The following BRINP2 variants were observed in gnomAD, a reference collection of about 807,000 sequenced individuals.
The protein encoded by BRINP2 is BMP/retinoic acid-inducible neural-specific protein 2.
Under a neutral mutation model 69.2 loss-of-function variants are expected in BRINP2, and 21 were observed. That is an observed-to-expected ratio of 0.30 (90% CI 0.22 to 0.44). The LOEUF is 0.44. BRINP2 is among the 20% of genes least tolerant of loss of function. BRINP2 has a pLI of 1.00. For synonymous variants in BRINP2, 380 were observed against 394.1 expected, an observed-to-expected ratio of 0.96 and a Z score of 0.42; for missense variants, 877 against 986.0, an observed-to-expected ratio of 0.89 and a Z score of 1.48.
intron 1 of BRINP2, among the ~76,000 whole-genome samples, chr1:177,191,536 C>A (rs1490303924): frequency 6.6e-6 from 1 of 152,206 alleles, no homozygotes; most frequent in Non-Finnish European, 1.5e-5. Flanking sequence ...CTCACTGCAA[C>A]CTCTGCTTCC....
At chr1:177,242,786 T>G (rs1247735504) in intron 2 of BRINP2, among the ~76,000 whole-genome samples, 1 of 152,176 alleles carries the variant, frequency 6.6e-6, no homozygotes, top group Non-Finnish European at 1.5e-5. Flanking sequence ...AAGGGCATAA[T>G]AAGAGGATGA....
chr1:177,243,443 C>A (rs1206426816), intron 2 of BRINP2, among the ~76,000 whole-genome samples: 1 of 152,128 alleles, frequency 6.6e-6, no homozygotes, highest in Non-Finnish European at 1.5e-5. Flanking sequence ...AAGACCAAAA[C>A]CATCTCCCCC....
chr1:177,171,771 C>T (rs1647939885), intron 1 of BRINP2, 39 bp downstream of exon 1: 1 of 152,234 alleles, frequency 6.6e-6, no homozygotes. Flanking sequence ...CTCCCCTTTT[C>T]ATTGTCCTTT....
intron 1 of BRINP2, among the ~76,000 whole-genome samples, chr1:177,227,269 G>T (rs979063023): frequency 1.3e-5 from 2 of 152,192 alleles, no homozygotes; most frequent in African/African-American, 4.8e-5. Context: ...TGCTGTGTTG[G>T]CTGCCTTGGC....
intron 1 of BRINP2, among the ~76,000 whole-genome samples, chr1:177,185,864 G>A (rs1194072228): frequency 1.3e-5 from 2 of 152,158 alleles, no homozygotes; most frequent in African/African-American, 4.8e-5. Context: ...CTGCCAGTGA[G>A]GAATGAGCTC....
chr1:177,265,387 A>G (rs1380029274), intron 4 of BRINP2, among the ~76,000 whole-genome samples: 1 of 152,218 alleles, frequency 6.6e-6, no homozygotes, highest in South Asian at 2.1e-4. Flanking sequence ...TATGTCTTCA[A>G]AATGCCCTTT....
At chr1:177,255,254 G>A (rs532242744) in intron 2 of BRINP2, among the ~76,000 whole-genome samples, 1 of 152,268 alleles carries the variant, frequency 6.6e-6, no homozygotes, top group South Asian at 2.1e-4. Flanking sequence ...CACTCTCCTT[G>A]CTAAATTTGT....
chr1:177,206,077 A>C lies in BRINP2; in HGVS notation c.-76-23724A>C, dbSNP rs555054061. The stretch of plus-strand genomic sequence containing the variant: ...GACGTGAGATGTTGTGAGAATACTT[A>C]AGCTGCCCTGTGGAGCGGGCCACAT... On this transcript the variant is annotated intron_variant, in intron 1 of 7. Coordinates refer to ENST00000361539, the MANE Select transcript of BRINP2 (RefSeq NM_021165.4). Among the ~76,000 whole-genome samples the C allele has an allele frequency of 5.3e-5, 8 of 152,312 alleles. No individual in the cohort carries two copies. The South Asian group carries it at 1.7e-3, about 32-fold the overall frequency.
intron 1 of BRINP2, among the ~76,000 whole-genome samples, chr1:177,219,986 G>A (rs1420172272): frequency 6.6e-6 from 1 of 152,202 alleles, no homozygotes; most frequent in Non-Finnish European, 1.5e-5. Context: ...CTGTCAACAA[G>A]GGATTGAAGT....
intron 2 of BRINP2, among the ~76,000 whole-genome samples, chr1:177,231,785 A>G (rs1295405785): frequency 1.3e-5 from 2 of 152,244 alleles, no homozygotes; most frequent in Non-Finnish European, 2.9e-5. Flanking sequence ...GCATCACCGA[A>G]GCAGAGAGCA....
chr1:177,262,201 A>G (rs1273793844), intron 4 of BRINP2, among the ~76,000 whole-genome samples: 2 of 152,188 alleles, frequency 1.3e-5, no homozygotes, highest in East Asian at 3.9e-4. Context: ...CTGTTCCAGC[A>G]TATTGATATA....
chr1:177,250,068 C>T lies in BRINP2; in HGVS notation c.270-5851C>T, dbSNP rs1289519845. ...CCAGGCTGGACTCGAACTCCTGTGG[C>T]TGAGGCCTTATGCCTCATAATTTTT... On this transcript the variant is annotated intron_variant, in intron 2 of 7. Transcript: ENST00000361539. Among the ~76,000 whole-genome samples the T allele has an allele frequency of 8.3e-4, 127 of 152,110 alleles. 1 individual carries two copies. The highest frequency in any genetic ancestry group is 1.2e-4 in the Non-Finnish European group (8 of 67,980).
chr1:177,247,967 G>C (rs1028535980), intron 2 of BRINP2, among the ~76,000 whole-genome samples: 9 of 152,166 alleles, frequency 5.9e-5, no homozygotes, highest in African/African-American at 2.2e-4. Flanking sequence ...GGTGGAGGGG[G>C]GCGGATAGAG....
At chr1:177,177,933 C>T (rs1245781878) in intron 1 of BRINP2, among the ~76,000 whole-genome samples, 2 of 152,316 alleles carry the variant, frequency 1.3e-5, no homozygotes, top group South Asian at 2.1e-4. Context: ...CAATTCACAT[C>T]CCAAGCTATT....
chr1:177,273,258 G>C (rs541259556), intron 4 of BRINP2, among the ~76,000 whole-genome samples: 1 of 152,086 alleles, frequency 6.6e-6, no homozygotes, highest in African/African-American at 2.4e-5. Context: ...TCTCTGAAAG[G>C]CTCTTACTTA....
chr1:177,271,757 G>A (rs1197694658), intron 4 of BRINP2, among the ~76,000 whole-genome samples: 1 of 152,134 alleles, frequency 6.6e-6, no homozygotes, highest in African/African-American at 2.4e-5. Context: ...TTTGTGTGGG[G>A]TAGCACAAAA....
chr1:177,277,394 T>G (rs1349236377), intron 6 of BRINP2, among the ~76,000 whole-genome samples: 2 of 152,000 alleles, frequency 1.3e-5, no homozygotes, highest in African/African-American at 2.4e-5. Context: ...GCAGTATATT[T>G]GGTTTGCTTT....
intron 1 of BRINP2, among the ~76,000 whole-genome samples, chr1:177,212,074 TA>T (rs1014881036): frequency 2.0e-4 from 19 of 96,248 alleles, no homozygotes; most frequent in South Asian, 8.5e-4. Context: ...CACAGATAGA[TA>T]GATAGATAGA....
At chr1:177,211,098 A>T in intron 1 of BRINP2, among the ~76,000 whole-genome samples, 1 of 151,790 alleles carries the variant, frequency 6.6e-6, no homozygotes, top group South Asian at 2.1e-4. Flanking sequence ...TATGTCCATA[A>T]AGCTTTAAAT....
Sources: allele counts gnomAD v4.1 joint callset (sites outside exome capture counted in the v4.1 genomes callset), GRCh38; gene constraint gnomAD v4.1.1; transcripts MANE v1.5; gene names NCBI Gene and HGNC (gene_info 2026-07-23, HGNC 2026-07-21).